Variants in ATP11C observed in about 807,000 individuals in gnomAD.
ATP11C encodes ATPase phospholipid transporting 11C (ATP11C blood group), also known as phospholipid-transporting ATPase IG.
ATP11C carries 36 observed loss-of-function variants against 97.4 expected under a neutral mutation model. That is an observed-to-expected ratio of 0.37 (90% CI 0.28 to 0.49). ATP11C has a LOEUF of 0.49. Among genes scored for constraint, ATP11C ranks in the 20% least tolerant of loss-of-function variants. The pLI is 0.98. For missense variants in ATP11C, 730 were observed against 824.6 expected, an observed-to-expected ratio of 0.89 and a Z score of 1.40; for synonymous variants, 275 against 290.9, an observed-to-expected ratio of 0.95 and a Z score of 0.56.
Position 139,858,687 on chromosome X carries a change from AT to A in ATP11C, c.28-31865del, listed in dbSNP as rs1233058812. Among the ~76,000 whole-genome samples, 5 of 112,550 alleles carry A rather than the reference AT, an allele frequency of 4.4e-5. No individual in the cohort carries two copies. The East Asian group carries it at 1.4e-3, about 31-fold the overall frequency. On this transcript the variant is annotated intron_variant, in intron 1 of 29. Coordinates refer to ENST00000682941, the MANE Select transcript of ATP11C (RefSeq NM_001353812.2). ...ACCAACCAACAAAAAAGATATTATT[AT>A]CCCCATTGTACAGATGAGGAAGCCA...
intron 1 of ATP11C, among the ~76,000 whole-genome samples, chrX:139,836,984 G>A (rs1410346062): frequency 9.0e-6 from 1 of 110,604 alleles, no homozygotes; most frequent in African/African-American, 3.3e-5. Context: ...CAGGATTTCT[G>A]CTGTAAAATG....
chrX:139,840,355 T>C (rs1157877226), intron 1 of ATP11C, among the ~76,000 whole-genome samples: 1 of 112,524 alleles, frequency 8.9e-6, no homozygotes, highest in Non-Finnish European at 1.9e-5. Flanking sequence ...TTAATGTGAC[T>C]GGTTGTTGTG....
intron 1 of ATP11C, among the ~76,000 whole-genome samples, chrX:139,887,206 G>A (rs981570125): frequency 4.5e-5 from 5 of 111,711 alleles, no homozygotes; most frequent in Non-Finnish European, 7.5e-5. Context: ...AAAGTCAACC[G>A]GAAATTCATC....
intron 1 of ATP11C, among the ~76,000 whole-genome samples, chrX:139,866,711 C>T (rs2084293605): frequency 9.1e-6 from 1 of 109,417 alleles, no homozygotes; most frequent in African/African-American, 3.4e-5. Context: ...AGAAGAAGAC[C>T]CTGTTTCAAA....
At chrX:139,776,832 T>C (rs1031413492) in intron 18 of ATP11C, among the ~76,000 whole-genome samples, 1 of 111,560 alleles carries the variant, frequency 9.0e-6, no homozygotes, top group Admixed American at 9.5e-5. Flanking sequence ...CGGGAGGCAG[T>C]GTGTCAGCCC....
At chrX:139,906,183 G>A (rs2084972195) in intron 1 of ATP11C, among the ~76,000 whole-genome samples, 1 of 108,687 alleles carries the variant, frequency 9.2e-6, no homozygotes, top group South Asian at 4.1e-4. Flanking sequence ...AGGTGGACAT[G>A]AGTTACTTAA....
chrX:139,882,037 A>C (rs2084569066), intron 1 of ATP11C, among the ~76,000 whole-genome samples: 1 of 111,663 alleles, frequency 9.0e-6, no homozygotes, highest in Non-Finnish European at 1.9e-5. Context: ...GGCTTTGCTT[A>C]AGCAGTTCCC....
At chrX:139,838,873 A>G (rs1027919214) in intron 1 of ATP11C, among the ~76,000 whole-genome samples, 5 of 110,603 alleles carry the variant, frequency 4.5e-5, no homozygotes, top group African/African-American at 1.6e-4. Flanking sequence ...GCTTGAACCC[A>G]GGAGGCAGAG....
At chrX:139,879,357 AT>A (rs754601498) in intron 1 of ATP11C, among the ~76,000 whole-genome samples, 27 of 110,954 alleles carry the variant, frequency 2.4e-4, no homozygotes, top group Non-Finnish European at 4.2e-4. Flanking sequence ...CAAAAAAAAA[AT>A]CATGCCATTT....
intron 24 of ATP11C, among the ~76,000 whole-genome samples, chrX:139,749,675 A>C (rs2081768169): frequency 8.9e-6 from 1 of 112,301 alleles, no homozygotes; most frequent in Non-Finnish European, 1.9e-5. Context: ...AACAAGTAGG[A>C]ATCAATATTC....
intron 1 of ATP11C, among the ~76,000 whole-genome samples, chrX:139,906,146 A>T (rs1279732898): frequency 9.0e-6 from 1 of 110,724 alleles, no homozygotes; most frequent in Non-Finnish European, 1.9e-5. Flanking sequence ...TCATGCCTAT[A>T]ATCTCAGCAC....
chrX:139,849,688 T>A (rs1398044251), intron 1 of ATP11C, among the ~76,000 whole-genome samples: 1 of 112,591 alleles, frequency 8.9e-6, no homozygotes, highest in African/African-American at 3.2e-5. Flanking sequence ...TCAGTCTTTA[T>A]CTTACTTAAA....
At chrX:139,772,286 G>T (rs1286392781) in intron 19 of ATP11C, among the ~76,000 whole-genome samples, 1 of 112,573 alleles carries the variant, frequency 8.9e-6, no homozygotes, top group African/African-American at 3.2e-5. Context: ...TTCAGAATAT[G>T]TATGGAAACG....
intron 3 of ATP11C, among the ~76,000 whole-genome samples, chrX:139,818,675 G>C (rs1456224991): frequency 1.8e-5 from 2 of 111,818 alleles, no homozygotes; most frequent in African/African-American, 3.3e-5. Flanking sequence ...CATCAACAGG[G>C]CATTGGAGCA....
At chrX:139,816,714 T>C in intron 4 of ATP11C, 149 bp downstream of exon 4, 1 of 355,652 alleles carries the variant, frequency 2.8e-6, no homozygotes, top group Non-Finnish European at 5.1e-6. Context: ...GTGCCTATCA[T>C]TTTAATAGGT....
At chrX:139,778,616 G>A (rs971068771) in intron 18 of ATP11C, among the ~76,000 whole-genome samples, 1 of 111,669 alleles carries the variant, frequency 9.0e-6, no homozygotes, top group Non-Finnish European at 1.9e-5. Context: ...ATCACCTGAC[G>A]TCATGAGTTC....
chrX:139,819,155 C>T (rs987638621), intron 3 of ATP11C, among the ~76,000 whole-genome samples, 183 bp downstream of exon 3: 3 of 111,842 alleles, frequency 2.7e-5, no homozygotes, highest in Admixed American at 9.5e-5. Context: ...CTAGTAAAAA[C>T]ACAACTTTAG....
intron 1 of ATP11C, among the ~76,000 whole-genome samples, chrX:139,922,271 C>CATATATATATATATATAT (rs2085277850): frequency 6.5e-5 from 3 of 46,211 alleles, no homozygotes; most frequent in African/African-American, 1.5e-4. Context: ...TATATATATG[C>CATATATATATATATATAT]ATTTTTTTTA....
At chrX:139,899,421 G>A (rs1305294750) in intron 1 of ATP11C, among the ~76,000 whole-genome samples, 1 of 107,756 alleles carries the variant, frequency 9.3e-6, no homozygotes, top group African/African-American at 3.4e-5. Context: ...AGGTTGCAGT[G>A]AGCTGAGATC....
Sources: gnomAD v4.1 joint callset for allele counts (sites outside exome capture counted in the v4.1 genomes callset) on GRCh38, gnomAD v4.1.1 for gene constraint, MANE v1.5 for transcripts, NCBI Gene and HGNC (gene_info 2026-07-23, HGNC 2026-07-21) for gene names.